The following POM121 variants were observed in gnomAD, a reference collection of about 807,000 sequenced individuals.
The protein encoded by POM121 is nuclear envelope pore membrane protein POM 121.
Under a neutral mutation model 81.3 loss-of-function variants are expected in POM121, and 32 were observed. The observed-to-expected ratio is 0.39, with a 90% CI of 0.30 to 0.53. The LOEUF (loss-of-function observed/expected upper bound fraction) is 0.53. Among genes scored for constraint, POM121 ranks in the 20% least tolerant of loss-of-function variants. The probability of loss-of-function intolerance (pLI) is 0.66; values close to 1 mark genes in which losing one functional copy is unlikely to be tolerated. For missense variants in POM121, 1,138 were observed against 1,614.6 expected (o/e 0.70, Z 5.06); for synonymous variants, 514 against 694.2 (o/e 0.74, Z 4.08).
At chr7:72,922,227 A>G (rs1334167644), upstream of POM121, among the ~76,000 whole-genome samples, 1 of 152,028 alleles carries the variant, frequency 6.6e-6, no homozygotes, top group Non-Finnish European at 1.5e-5. Context: ...TTTTGTATCA[A>G]TTGTCCTTTT....
At chr7:72,934,411 T>C (rs2129578894) in intron 5 of POM121, among the ~76,000 whole-genome samples, 1 of 152,348 alleles carries the variant, frequency 6.6e-6, no homozygotes, top group South Asian at 2.1e-4. Flanking sequence ...TTCTTAGAGA[T>C]TTGAATACGC....
At chr7:72,920,367 T>TTTTTG (rs1432812750), upstream of POM121, among the ~76,000 whole-genome samples, 4 of 147,726 alleles carry the variant, frequency 2.7e-5, no homozygotes, top group Admixed American at 2.7e-4. Context: ...TTTTTTTTTT[T>TTTTTG]AGTTGGAGTC....
chr7:72,923,662 G>C (rs1340910525), upstream of POM121, among the ~76,000 whole-genome samples: 1 of 130,036 alleles, frequency 7.7e-6, no homozygotes, highest in East Asian at 2.3e-4. Flanking sequence ...TGCAGTGGCG[G>C]GATCTCGGCT....
At chr7:72,912,435 G>A (rs1301673475) in intron 3 of POM121, among the ~76,000 whole-genome samples, 2 of 152,126 alleles carry the variant, frequency 1.3e-5, no homozygotes, top group African/African-American at 2.4e-5. Flanking sequence ...TTGGGACTGA[G>A]GACAGGTTCC....
chr7:72,900,166 C>A (rs569403222), intron 3 of POM121, among the ~76,000 whole-genome samples: 1 of 152,254 alleles, frequency 6.6e-6, no homozygotes, highest in Admixed American at 6.5e-5. Flanking sequence ...TCCTAAGGCC[C>A]CAGGCCCTGC....
Position 72,929,172 on chromosome 7 carries a change from G to A in POM121, c.1103+707G>A, listed in dbSNP as rs142377587. ...GGGTTTTGGAGGTATGGAAGTATTA[G>A]CCCAGAGGAGAAAAGTCTCAGGGGG... On this transcript the variant is annotated intron_variant, in intron 4 of 12. Transcript: ENST00000434423. 2.7e-3 allele frequency among the ~76,000 whole-genome samples: 407 copies of A among 152,290 alleles called. 3 individuals are homozygous for A. The highest frequency in any genetic ancestry group is 9.5e-3 in the African/African-American group (393 of 41,564).
intron 3 of POM121, 116 bp downstream of exon 3, chr7:72,927,079 C>G: frequency 6.5e-7 from 1 of 1,527,010 alleles, no homozygotes. Context: ...CTTCGTAGGC[C>G]CCCTTCTTTG....
At chr7:72,923,914 T>C (rs140365060), upstream of POM121, among the ~76,000 whole-genome samples, 1,016 of 147,804 alleles carry the variant, frequency 6.9e-3, 11 homozygotes, top group African/African-American at 0.023. Context: ...TATTTTTTTT[T>C]CCTGTTATCA....
chr7:72,925,961 C>G (rs1554497296), intron 1 of POM121, among the ~76,000 whole-genome samples, 196 bp downstream of exon 1: 1 of 152,128 alleles, frequency 6.6e-6, no homozygotes, highest in African/African-American at 2.4e-5. Flanking sequence ...GTTGCCAAAA[C>G]GATTCTCTTC....
chr7:72,948,718 C>T (rs782071948), downstream of POM121: 24 of 1,562,468 alleles, frequency 1.5e-5, no homozygotes, highest in African/African-American at 9.6e-5. Flanking sequence ...CACCGCTAAG[C>T]GTGGTCTTGG....
intron 4 of POM121, among the ~76,000 whole-genome samples, chr7:72,917,120 G>A (rs1481584183): frequency 6.6e-6 from 1 of 152,106 alleles, no homozygotes; most frequent in Admixed American, 6.5e-5. Flanking sequence ...ATCATTGAAG[G>A]CTGTAGTAGT....
chr7:72,923,239 C>G (rs142516768), upstream of POM121, among the ~76,000 whole-genome samples: 816 of 151,538 alleles, frequency 5.4e-3, 4 homozygotes, highest in South Asian at 0.025. Context: ...CTTCTCATCT[C>G]TCTGTGTTGC....
chr7:72,908,456 G>T (rs1208948229), intron 3 of POM121, among the ~76,000 whole-genome samples: 1 of 152,206 alleles, frequency 6.6e-6, no homozygotes, highest in Non-Finnish European at 1.5e-5. Context: ...CGAGATCACA[G>T]GACCAGGGCA....
At chr7:72,903,956 C>T (rs1466792301) in intron 3 of POM121, among the ~76,000 whole-genome samples, 8 of 152,166 alleles carry the variant, frequency 5.3e-5, no homozygotes, top group Non-Finnish European at 8.8e-5. Flanking sequence ...AATTTTCCAC[C>T]ACACCTGGCT....
At chr7:72,894,133 ACG>A (rs1233314296) in intron 3 of POM121, among the ~76,000 whole-genome samples, 3 of 152,126 alleles carry the variant, frequency 2.0e-5, no homozygotes, top group East Asian at 3.9e-4. Flanking sequence ...GCGTGGTGAC[ACG>A]CGCCTGTAGT....
intron 3 of POM121, among the ~76,000 whole-genome samples, chr7:72,906,811 A>G (rs1793285565): frequency 6.7e-6 from 1 of 149,410 alleles, no homozygotes; most frequent in South Asian, 2.1e-4. Context: ...TTCTTTTTGT[A>G]GAGATGGGGT....
intron 3 of POM121, among the ~76,000 whole-genome samples, chr7:72,901,414 G>T (rs1443170039): frequency 7.9e-5 from 12 of 151,384 alleles, no homozygotes; most frequent in African/African-American, 2.9e-4. Context: ...GAGTGCAGTG[G>T]TGTGATCTCG....
At chr7:72,890,277 G>T (rs1563132904) in intron 1 of POM121, among the ~76,000 whole-genome samples, 1 of 152,204 alleles carries the variant, frequency 6.6e-6, no homozygotes, top group Admixed American at 6.5e-5. Flanking sequence ...TGGCAGCAAA[G>T]AAGACTAAAA....
intron 12 of POM121, 130 bp downstream of exon 12, chr7:72,945,838 G>T: frequency 1.4e-6 from 2 of 1,445,638 alleles, no homozygotes; most frequent in Non-Finnish European, 1.8e-6. Flanking sequence ...CGGGTTAGGA[G>T]TCCAGCACAA....
Sources: gnomAD v4.1 joint callset for allele counts (sites outside exome capture counted in the v4.1 genomes callset) on GRCh38, gnomAD v4.1.1 for gene constraint, MANE v1.5 for transcripts, NCBI Gene and HGNC (gene_info 2026-07-23, HGNC 2026-07-21) for gene names.